ZBTB45: variants seen among roughly 807,000 people sequenced by gnomAD.
ZBTB45 encodes zinc finger and BTB domain containing 45.
Under a neutral mutation model 28.4 loss-of-function variants are expected in ZBTB45, and 22 were observed. That is an observed-to-expected ratio of 0.77 (90% CI 0.55 to 1.10). ZBTB45 has a LOEUF of 1.10. Ranked by LOEUF, ZBTB45 falls within the 50% of genes least tolerant of loss-of-function variation. The pLI, the probability that ZBTB45 is intolerant of heterozygous loss-of-function variation, is 0.00. For synonymous variants in ZBTB45, 361 were observed against 332.3 expected, an observed-to-expected ratio of 1.09 and a Z score of -0.94; for missense variants, 656 against 750.2, an observed-to-expected ratio of 0.87 and a Z score of 1.47.
Position 58,513,961 on chromosome 19 carries a change from T to G in ZBTB45, c.*93A>C. On this transcript the variant is annotated 3_prime_UTR_variant, in exon 3 of 3. Coordinates refer to ENST00000594051, the MANE Select transcript of ZBTB45 (RefSeq NM_001316979.2). ...GACCTGCGCTCAGGAGGGAGCGTGG[T>G]CTAGTGGCGGGAACCACGGGTCCCG... 1 of 1,325,178 alleles carries G rather than the reference T, an allele frequency of 7.5e-7. No homozygotes were observed. The highest frequency in any genetic ancestry group is 9.7e-7 in the Non-Finnish European group (1 of 1,034,160). 82.1% of individuals were successfully genotyped at this position (1,325,178 alleles called of 1,614,324 possible).
At chr19:58,527,774 C>A (rs1262779736) in intron 1 of ZBTB45, among the ~76,000 whole-genome samples, 1 of 151,922 alleles carries the variant, frequency 6.6e-6, no homozygotes, top group African/African-American at 2.4e-5. Context: ...TTTGTCCCCT[C>A]CCTCTTTACA....
chr19:58,532,985 C>T (rs1166823055), intron 1 of ZBTB45, among the ~76,000 whole-genome samples: 1 of 152,190 alleles, frequency 6.6e-6, no homozygotes, highest in Admixed American at 6.5e-5. Flanking sequence ...CAGGCATGTG[C>T]CACCATGCCT....
Position 58,515,358 on chromosome 19 carries a change from G to T in ZBTB45, c.1279+1037C>A, listed in dbSNP as rs2053479126. ...AAAAAACCCTATCTCAGTGGCAGTG[G>T]ACTGAAAGGCAGTGCCTGCCAGAGG... is the stretch of plus-strand genomic sequence containing the variant. On this transcript the variant is annotated intron_variant, in intron 2 of 2. Transcript: ENST00000594051. The surrounding 1 kb of genome is among the most constrained non-coding windows in gnomAD (Gnocchi z 4.7). Among the ~76,000 whole-genome samples, 3 of 151,810 alleles carry T rather than the reference G, an allele frequency of 2.0e-5. No individual in the cohort carries two copies. Among genetic ancestry groups the T allele is most frequent in the African/African-American group, 7.2e-5 (3 of 41,396 alleles).
At chr19:58,535,981 C>T (rs1039323234) in intron 1 of ZBTB45, among the ~76,000 whole-genome samples, 1 of 152,068 alleles carries the variant, frequency 6.6e-6, no homozygotes, top group African/African-American at 2.4e-5. Context: ...AGTACAAAGG[C>T]CCTGAGTTGA....
chr19:58,538,205 T>TCTTTC (rs1275939851), intron 1 of ZBTB45, among the ~76,000 whole-genome samples: 1 of 151,386 alleles, frequency 6.6e-6, no homozygotes, highest in African/African-American at 2.4e-5. Flanking sequence ...TTTTTTTTTT[T>TCTTTC]CTTTTCTTTT....
Position 58,515,836 on chromosome 19 carries a change from C to T in ZBTB45, c.1279+559G>A, listed in dbSNP as rs2053485137. Among the ~76,000 whole-genome samples, 1 of 152,172 alleles carries T rather than the reference C, an allele frequency of 6.6e-6. No individual in the cohort carries two copies. Among genetic ancestry groups the T allele is most frequent in the South Asian group, 2.1e-4 (1 of 4,832 alleles). On this transcript the variant is annotated intron_variant, in intron 2 of 2. Coordinates refer to ENST00000594051, the MANE Select transcript of ZBTB45 (RefSeq NM_001316979.2). The surrounding 1 kb of genome is among the most constrained non-coding windows in gnomAD (Gnocchi z 4.7). ...CTGACACGGCCAAGGTCCGAGGGAA[C>T]CTCCCCACAGCTTTTCGGGGTCCTC...
chr19:58,531,047 C>A (rs113288725), intron 1 of ZBTB45, among the ~76,000 whole-genome samples: 1,597 of 152,256 alleles, frequency 0.01, 30 homozygotes, highest in African/African-American at 0.036. Flanking sequence ...TCGTGTTTAA[C>A]TGTTTGAGGA....
At chr19:58,534,268 T>C (rs371778885) in intron 1 of ZBTB45, among the ~76,000 whole-genome samples, 1 of 152,286 alleles carries the variant, frequency 6.6e-6, no homozygotes, top group Non-Finnish European at 1.5e-5. Flanking sequence ...TTTGGAGTAA[T>C]GAAAATGACT....
chr19:58,523,946 G>T, upstream of ZBTB45, among the ~76,000 whole-genome samples: 1 of 101,262 alleles, frequency 9.9e-6, no homozygotes, highest in African/African-American at 3.1e-5. Flanking sequence ...TGGTAGCAGG[G>T]GCCTGTAGTC....
At chr19:58,530,912 C>T (rs1442811671) in intron 1 of ZBTB45, among the ~76,000 whole-genome samples, 1 of 152,062 alleles carries the variant, frequency 6.6e-6, no homozygotes, top group East Asian at 1.9e-4. Context: ...CTCGATCTCC[C>T]GACCTCATGA....
intron 1 of ZBTB45, among the ~76,000 whole-genome samples, chr19:58,534,517 G>A (rs111412506): frequency 2.0e-5 from 3 of 150,716 alleles, no homozygotes; most frequent in East Asian, 2.0e-4. Context: ...AGCCTCCCAA[G>A]TAGCTGGGAA....
chr19:58,528,836 G>A (rs997449218), intron 1 of ZBTB45, among the ~76,000 whole-genome samples: 10 of 152,104 alleles, frequency 6.6e-5, no homozygotes, highest in African/African-American at 2.4e-4. Context: ...GGAGGTTGCA[G>A]TGAGCTGAGA....
intron 1 of ZBTB45, among the ~76,000 whole-genome samples, chr19:58,533,116 G>A (rs1001083474): frequency 3.9e-5 from 6 of 152,162 alleles, no homozygotes; most frequent in African/African-American, 7.2e-5. Context: ...GATTACAGGC[G>A]TGAGCCACCA....
intron 1 of ZBTB45, among the ~76,000 whole-genome samples, chr19:58,534,758 A>G (rs1289558581): frequency 3.3e-5 from 5 of 151,908 alleles, no homozygotes; most frequent in Non-Finnish European, 7.4e-5. Context: ...GGGTTTCACC[A>G]TGTTAGCCAG....
intron 1 of ZBTB45, among the ~76,000 whole-genome samples, chr19:58,529,832 T>C (rs982129041): frequency 2.0e-5 from 3 of 152,314 alleles, no homozygotes; most frequent in Admixed American, 1.3e-4. Context: ...TCTGACTTCT[T>C]TCACTTAGCA....
upstream of ZBTB45, among the ~76,000 whole-genome samples, chr19:58,522,586 G>A (rs893399148): frequency 6.6e-6 from 1 of 152,078 alleles, no homozygotes; most frequent in African/African-American, 2.4e-5. Flanking sequence ...AGTGAGCTGA[G>A]ATCGTACCAT....
intron 1 of ZBTB45, among the ~76,000 whole-genome samples, chr19:58,531,176 A>G (rs988083968): frequency 5.3e-5 from 8 of 152,152 alleles, no homozygotes; most frequent in Admixed American, 4.6e-4. Context: ...TTTTATAGCC[A>G]TCCTAGTGGG....
At position 58,513,767 on chromosome 19, in the gene ZBTB45, G is replaced by A. The variant is rs2053445645; in HGVS notation, c.*287C>T. 2 of 351,768 alleles carry A rather than the reference G, an allele frequency of 5.7e-6. No homozygotes were observed. Among genetic ancestry groups the A allele is most frequent in the African/African-American group, 2.1e-5 (1 of 47,182 alleles). 21.8% of individuals were successfully genotyped at this position (351,768 alleles called of 1,614,324 possible). ...AGAACCGGAGTCAAATCTTGGGCCGGGTCCAAGCGCCTGAGCGCCCGGTTT... is the reference window on the plus strand; with the variant it reads ...AGAACCGGAGTCAAATCTTGGGCCGAGTCCAAGCGCCTGAGCGCCCGGTTT... On this transcript the variant is annotated 3_prime_UTR_variant, in exon 3 of 3. Coordinates refer to ENST00000594051, the MANE Select transcript of ZBTB45 (RefSeq NM_001316979.2).
At chr19:58,523,669 T>C (rs1325112730), upstream of ZBTB45, among the ~76,000 whole-genome samples, 1 of 142,886 alleles carries the variant, frequency 7.0e-6, no homozygotes, top group East Asian at 2.2e-4. Flanking sequence ...CTCCATCTTT[T>C]TTGTTTGTTT....
Sources: allele counts gnomAD v4.1 joint callset (sites outside exome capture counted in the v4.1 genomes callset), GRCh38; gene constraint gnomAD v4.1.1; non-coding constraint Gnocchi (gnomAD v3.1); transcripts MANE v1.5; gene names NCBI Gene and HGNC (gene_info 2026-07-23, HGNC 2026-07-21).